The following CLPB variants were observed in gnomAD, a reference collection of about 807,000 sequenced individuals.
The protein encoded by CLPB is mitochondrial disaggregase.
In CLPB, 40 loss-of-function variants were observed where a neutral mutation model predicts 78.4. The observed-to-expected ratio is 0.51, with a 90% CI of 0.40 to 0.66. The LOEUF (loss-of-function observed/expected upper bound fraction) is 0.66, where lower values mean the gene tolerates loss of function less well. Among genes scored for constraint, CLPB ranks in the 30% least tolerant of loss-of-function variants. CLPB has a pLI of 0.00. For missense variants in CLPB, 780 were observed against 886.9 expected (o/e 0.88, Z 1.53); for synonymous variants, 333 against 348.0 (o/e 0.96, Z 0.48).
At chr11:72,395,082 G>T (rs1316410318) in intron 3 of CLPB, among the ~76,000 whole-genome samples, 1 of 151,622 alleles carries the variant, frequency 6.6e-6, no homozygotes, top group African/African-American at 2.4e-5. Flanking sequence ...CCTCTGAAAG[G>T]GCCTCTTTTC....
intron 3 of CLPB, among the ~76,000 whole-genome samples, chr11:72,399,216 T>C (rs1166679405): frequency 1.3e-5 from 2 of 151,996 alleles, no homozygotes; most frequent in African/African-American, 4.8e-5. Context: ...ATGTTAAATT[T>C]GTACATAAAC....
rs953562053 is a variant in CLPB at position 72,372,797 on chromosome 11, G to A, written c.646+7484C>T. 5.1e-6 allele frequency: 4 copies of A among 791,344 alleles called. No individual in the cohort carries two copies. In the African/African-American group the frequency reaches 6.7e-5, roughly 13 times the overall value. The allele number at this position is 791,344 out of a possible 1,614,324, so 49.0% of individuals were successfully genotyped here. ...AGCATGCATTCTCTCTGCTATGCTT[G>A]GGTTAGGCTGGGCACACAGTGGGTG... On this transcript the variant is annotated intron_variant, in intron 4 of 15. Transcript: ENST00000538039.
chr11:72,355,344 C>T (rs1365542938), intron 5 of CLPB: 2 of 151,940 alleles, frequency 1.3e-5, no homozygotes, highest in Non-Finnish European at 2.9e-5. Flanking sequence ...ATGGGAATAT[C>T]GTAGGTAAAG....
chr11:72,293,285 G>A lies in CLPB; in HGVS notation c.*82C>T, dbSNP rs1949482322. 2.0e-6 allele frequency: 3 copies of A among 1,525,716 alleles called. No homozygotes were observed. The East Asian group carries it at 6.8e-5, about 35-fold the overall frequency. The allele number at this position is 1,525,716 out of a possible 1,614,324, so 94.5% of individuals were successfully genotyped here. A position where few individuals can be genotyped will look rare whatever the true frequency, so the allele number is the denominator to read the frequency against. On this transcript the variant is annotated 3_prime_UTR_variant, in exon 16 of 16. Coordinates refer to ENST00000538039, the MANE Select transcript of CLPB (RefSeq NM_001258392.3). ...CTGGGTAGAGATGGGAGCGGCATGA[G>A]GGGAAGGTAAGTCAGTTGCCATGCC... is the stretch of plus-strand genomic sequence containing the variant.
chr11:72,383,887 A>C (rs1833125554), intron 3 of CLPB, among the ~76,000 whole-genome samples: 1 of 152,194 alleles, frequency 6.6e-6, no homozygotes, highest in South Asian at 2.1e-4. Context: ...TTCATGTTGA[A>C]AGAAAAGGAT....
chr11:72,310,922 C>T (rs1018755614), intron 7 of CLPB: 3 of 152,062 alleles, frequency 2.0e-5, no homozygotes, highest in East Asian at 3.9e-4. Flanking sequence ...CACTGTTCCC[C>T]GCTTCTTTTC....
At chr11:72,344,366 C>T (rs1026008383) in intron 5 of CLPB, among the ~76,000 whole-genome samples, 1 of 151,880 alleles carries the variant, frequency 6.6e-6, no homozygotes, top group African/African-American at 2.4e-5. Context: ...ATCACCACAC[C>T]CAGCTAATTT....
At position 72,414,160 on chromosome 11, in the gene CLPB, G is replaced by T. The variant is rs114349513; in HGVS notation, c.456-11108C>A. On this transcript the variant is annotated intron_variant, in intron 2 of 15. Transcript: ENST00000538039. ...CCCAGGCAGTGTGTGCCAAGGCTGA[G>T]ACTGAATAAAACACGGAAGTCCAAC... is the stretch of plus-strand genomic sequence containing the variant. Among the ~76,000 whole-genome samples, 377 of 152,300 alleles carry T rather than the reference G, an allele frequency of 2.5e-3. 4 individuals are homozygous for T. The highest frequency in any genetic ancestry group is 8.6e-3 in the African/African-American group (358 of 41,566).
intron 3 of CLPB, among the ~76,000 whole-genome samples, chr11:72,386,132 AAT>A: frequency 6.6e-6 from 1 of 152,278 alleles, no homozygotes; most frequent in Middle Eastern, 3.4e-3. Context: ...CCTTTACCAA[AAT>A]AGAGTAGTTT....
chr11:72,409,169 C>T (rs1855800858), intron 2 of CLPB, among the ~76,000 whole-genome samples: 1 of 152,130 alleles, frequency 6.6e-6, no homozygotes, highest in South Asian at 2.1e-4. Flanking sequence ...TCTGGGCTCA[C>T]TCCAGACTTG....
chr11:72,356,195 G>T (rs773213611), intron 5 of CLPB, among the ~76,000 whole-genome samples: 8 of 151,450 alleles, frequency 5.3e-5, no homozygotes, highest in Non-Finnish European at 1.0e-4. Flanking sequence ...GAAGGTAGGA[G>T]AATCGCTTGA....
At chr11:72,394,459 C>A (rs1220516614) in intron 3 of CLPB, among the ~76,000 whole-genome samples, 2 of 152,200 alleles carry the variant, frequency 1.3e-5, no homozygotes, top group Non-Finnish European at 2.9e-5. Flanking sequence ...CTATCCCCAA[C>A]TGCCACTCTC....
At chr11:72,305,387 C>T (rs994247874) in intron 9 of CLPB, among the ~76,000 whole-genome samples, 22 of 152,124 alleles carry the variant, frequency 1.4e-4, no homozygotes, top group African/African-American at 5.1e-4. Context: ...TAGGAAGTGA[C>T]GAATAAATAC....
chr11:72,432,551 C>T (rs143317540), intron 1 of CLPB, among the ~76,000 whole-genome samples: 18 of 152,236 alleles, frequency 1.2e-4, no homozygotes, highest in African/African-American at 4.3e-4. Context: ...CTGCACTGTC[C>T]CCTTGACTGA....
At chr11:72,402,247 CAAGACTGTATCTCA>C (rs1855584923) in intron 3 of CLPB, among the ~76,000 whole-genome samples, 1 of 152,018 alleles carries the variant, frequency 6.6e-6, no homozygotes, top group Non-Finnish European at 1.5e-5. Flanking sequence ...GGTGACCAAG[CAAGACTGTATCTCA>C]AAAAAACCCC....
intron 4 of CLPB, among the ~76,000 whole-genome samples, chr11:72,378,006 A>G (rs1854774130): frequency 6.6e-6 from 1 of 152,240 alleles, no homozygotes. Context: ...CTACTGATCT[A>G]CAATGTTGAA....
chr11:72,318,605 A>G (rs990685115), intron 6 of CLPB, among the ~76,000 whole-genome samples: 1 of 152,240 alleles, frequency 6.6e-6, no homozygotes, highest in Non-Finnish European at 1.5e-5. Context: ...TCTTGCGGGC[A>G]GAGTGGATAA....
At chr11:72,427,101 A>C (rs1005652805) in intron 2 of CLPB, among the ~76,000 whole-genome samples, 2 of 152,240 alleles carry the variant, frequency 1.3e-5, no homozygotes, top group African/African-American at 2.4e-5. Flanking sequence ...CAGATGGCAG[A>C]GGGCCATCTG....
intron 6 of CLPB, among the ~76,000 whole-genome samples, chr11:72,323,292 G>A (rs1950074789): frequency 6.6e-6 from 1 of 152,186 alleles, no homozygotes; most frequent in Non-Finnish European, 1.5e-5. Context: ...AGGTCGGCTG[G>A]GCGTGGTGGC....
Sources: allele counts gnomAD v4.1 joint callset (sites outside exome capture counted in the v4.1 genomes callset), GRCh38; gene constraint gnomAD v4.1.1; transcripts MANE v1.5; gene names NCBI Gene and HGNC (gene_info 2026-07-23, HGNC 2026-07-21).